ATRNL1: variants seen among roughly 807,000 people sequenced by gnomAD.
ATRNL1 encodes attractin-like protein 1.
A neutral mutation model predicts 182.7 loss-of-function variants in ATRNL1; 95 were observed. The observed-to-expected ratio is 0.52, with a 90% CI of 0.44 to 0.62. ATRNL1 has a LOEUF of 0.62. Among genes scored for constraint, ATRNL1 ranks in the 20% least tolerant of loss-of-function variants. ATRNL1 has a pLI of 0.00. For synonymous variants in ATRNL1, 576 were observed against 568.3 expected, an observed-to-expected ratio of 1.01 and a Z score of -0.19; for missense variants, 1,471 against 1,679.5, an observed-to-expected ratio of 0.88 and a Z score of 2.17.
rs1554908450 is a variant in ATRNL1, at chr10:115,260,353, G to C, written c.1688-4840G>C. On this transcript the variant is annotated intron_variant, in intron 10 of 28. Transcript: ENST00000355044. The stretch of plus-strand genomic sequence containing the variant: ...TAAAATGCTGTTAGTCCGATTTATG[G>C]TTTCCAGGCAGGAGACTGGAAAATT... 2.0e-5 allele frequency among the ~76,000 whole-genome samples: 3 copies of C among 152,176 alleles called. No individual in the cohort carries two copies. In the South Asian group the frequency reaches 6.2e-4, roughly 32 times the overall value.
At chr10:115,540,240 T>C (rs1295606459) in intron 25 of ATRNL1, among the ~76,000 whole-genome samples, 10 of 152,098 alleles carry the variant, frequency 6.6e-5, no homozygotes, top group African/African-American at 2.2e-4. Flanking sequence ...TACGAAAGAA[T>C]TGGAGAACTG....
intron 27 of ATRNL1, among the ~76,000 whole-genome samples, chr10:115,838,620 G>C (rs782362066): frequency 4.6e-5 from 7 of 152,128 alleles, no homozygotes; most frequent in Admixed American, 4.6e-4. Flanking sequence ...TAGGGCTATA[G>C]CTGTAACATA....
At chr10:115,441,556 A>G (rs1846681185) in intron 21 of ATRNL1, among the ~76,000 whole-genome samples, 1 of 151,822 alleles carries the variant, frequency 6.6e-6, no homozygotes, top group Non-Finnish European at 1.5e-5. Flanking sequence ...ATCAGTTCCC[A>G]TAGTTTTAAG....
chr10:115,518,870 A>C (rs1850769079), intron 24 of ATRNL1, among the ~76,000 whole-genome samples: 1 of 123,896 alleles, frequency 8.1e-6, no homozygotes, highest in Non-Finnish European at 1.9e-5. Flanking sequence ...TGTGTAACAA[A>C]ACATTTGTAT....
chr10:115,665,709 G>T (rs531547884), intron 26 of ATRNL1, among the ~76,000 whole-genome samples: 1 of 152,252 alleles, frequency 6.6e-6, no homozygotes, highest in East Asian at 1.9e-4. Context: ...CTCCCCTTGA[G>T]TCACAGTTTG....
intron 8 of ATRNL1, among the ~76,000 whole-genome samples, chr10:115,209,464 G>A (rs1436375489): frequency 1.3e-5 from 2 of 148,190 alleles, no homozygotes; most frequent in African/African-American, 5.0e-5. Flanking sequence ...GTGGCAGGAA[G>A]TGTTTTCTAA....
At chr10:115,445,506 CGTGTGTGTGTGTGTGTGT>C (rs57237450) in intron 21 of ATRNL1, among the ~76,000 whole-genome samples, 24 of 119,272 alleles carry the variant, frequency 2.0e-4, no homozygotes, top group South Asian at 3.1e-4. Context: ...CTCATTTGTC[CGTGTGTGTGTGTGTGTGT>C]GTGTGTGTGT....
At chr10:115,393,241 T>C (rs1554954765) in intron 19 of ATRNL1, among the ~76,000 whole-genome samples, 3 of 152,210 alleles carry the variant, frequency 2.0e-5, no homozygotes, top group Non-Finnish European at 4.4e-5. Context: ...ACTTTTGTTT[T>C]AGTCTCTTCT....
At chr10:115,330,131 G>A (rs960898802) in intron 18 of ATRNL1, among the ~76,000 whole-genome samples, 2 of 151,848 alleles carry the variant, frequency 1.3e-5, no homozygotes, top group African/African-American at 4.8e-5. Flanking sequence ...GTTAATTTTG[G>A]TCGGAAGAAA....
chr10:115,153,697 GTT>G lies in ATRNL1; in HGVS notation c.830-6338_830-6337del, dbSNP rs573691141. ...CTGGATTCATTGATTTTTTTGAAGG[GTT>G]TTTTGTGTCTCTATCTCCTTCAGTT... On this transcript the variant is annotated intron_variant, in intron 5 of 28. Transcript: ENST00000355044. 8.6e-3 allele frequency among the ~76,000 whole-genome samples: 1,306 copies of G among 151,994 alleles called. 20 individuals carry two copies. The highest frequency in any genetic ancestry group is 0.028 in the African/African-American group (1,160 of 41,442).
chr10:115,119,362 A>C (rs1844627690), intron 1 of ATRNL1, among the ~76,000 whole-genome samples: 1 of 151,980 alleles, frequency 6.6e-6, no homozygotes, highest in Non-Finnish European at 1.5e-5. Flanking sequence ...GTGTATGTTT[A>C]TGTGAATATG....
At chr10:115,528,463 A>G (rs781944784) in intron 25 of ATRNL1, among the ~76,000 whole-genome samples, 9 of 152,062 alleles carry the variant, frequency 5.9e-5, no homozygotes, top group African/African-American at 1.2e-4. Context: ...CAGAATTGGC[A>G]GTAATGACCC....
chr10:115,446,457 G>A (rs1373647782), intron 21 of ATRNL1, among the ~76,000 whole-genome samples: 3 of 151,680 alleles, frequency 2.0e-5, no homozygotes, highest in African/African-American at 7.3e-5. Context: ...ATTTTGTGGA[G>A]TCAGTGTTTT....
chr10:115,142,370 C>G (rs1554878262), intron 5 of ATRNL1, among the ~76,000 whole-genome samples: 1 of 151,966 alleles, frequency 6.6e-6, no homozygotes, highest in African/African-American at 2.4e-5. Context: ...ACATAAGGAC[C>G]AGTAAAAAGG....
At chr10:115,269,903 A>G (rs1307086040) in intron 13 of ATRNL1, among the ~76,000 whole-genome samples, 1 of 151,960 alleles carries the variant, frequency 6.6e-6, no homozygotes, top group Non-Finnish European at 1.5e-5. Context: ...AGAACTTAAA[A>G]TGGAGGGAAA....
intron 26 of ATRNL1, among the ~76,000 whole-genome samples, chr10:115,587,484 G>A (rs1477658943): frequency 2.6e-5 from 4 of 151,724 alleles, no homozygotes; most frequent in Non-Finnish European, 5.9e-5. Context: ...TTAGCCCGTC[G>A]GAAAAGCGCA....
At chr10:115,167,374 G>A (rs1847094747) in intron 7 of ATRNL1, among the ~76,000 whole-genome samples, 1 of 151,884 alleles carries the variant, frequency 6.6e-6, no homozygotes, top group African/African-American at 2.4e-5. Context: ...GATTGTTTTG[G>A]CTATTCAGGG....
At chr10:115,109,181 C>T (rs1844153514) in intron 1 of ATRNL1, among the ~76,000 whole-genome samples, 2 of 152,086 alleles carry the variant, frequency 1.3e-5, no homozygotes, top group South Asian at 4.1e-4. Context: ...CAAACTCTCC[C>T]AGCCTCTACT....
intron 5 of ATRNL1, among the ~76,000 whole-genome samples, chr10:115,150,361 A>G (rs1289421830): frequency 6.8e-6 from 1 of 147,336 alleles, no homozygotes; most frequent in Non-Finnish European, 1.5e-5. Flanking sequence ...TTTATTATTT[A>G]TCTTCTTCTA....
Sources: gnomAD v4.1 joint callset for allele counts (sites outside exome capture counted in the v4.1 genomes callset) on GRCh38, gnomAD v4.1.1 for gene constraint, MANE v1.5 for transcripts, NCBI Gene and HGNC (gene_info 2026-07-23, HGNC 2026-07-21) for gene names.